The following MYCBP2 variants were observed in gnomAD, a reference collection of about 807,000 sequenced individuals.
MYCBP2 encodes E3 ubiquitin-protein ligase MYCBP2.
In MYCBP2, 120 loss-of-function variants were observed where a neutral mutation model predicts 525.3. That is an observed-to-expected ratio of 0.23 (90% confidence interval 0.20 to 0.27). MYCBP2 has a LOEUF of 0.27. Among genes scored for constraint, MYCBP2 ranks in the 10% least tolerant of loss-of-function variants. The pLI is 1.00. For synonymous variants in MYCBP2, 1,894 were observed against 1,955.8 expected (o/e 0.97, Z 0.83); for missense variants, 4,149 against 5,657.1 (o/e 0.73, Z 8.55).
At chr13:77,178,611 G>A (rs540662303) in intron 34 of MYCBP2, among the ~76,000 whole-genome samples, 13 of 152,210 alleles carry the variant, frequency 8.5e-5, no homozygotes, top group African/African-American at 3.1e-4. Context: ...GGTTGAAATC[G>A]CTCTTTTTAT....
At chr13:77,148,618 T>C (rs960349339) in intron 47 of MYCBP2, among the ~76,000 whole-genome samples, 1 of 152,108 alleles carries the variant, frequency 6.6e-6, no homozygotes, top group Non-Finnish European at 1.5e-5. Context: ...TCTAGCAAAA[T>C]TTTAATGCTA....
intron 80 of MYCBP2, among the ~76,000 whole-genome samples, chr13:77,053,055 T>G (rs1446922241): frequency 6.6e-6 from 1 of 151,998 alleles, no homozygotes; most frequent in Non-Finnish European, 1.5e-5. Flanking sequence ...GGAGGCTTGT[T>G]TGAGCCCAGG....
At chr13:77,307,173 T>C (rs1440771427) in intron 1 of MYCBP2, among the ~76,000 whole-genome samples, 1 of 152,144 alleles carries the variant, frequency 6.6e-6, no homozygotes, top group Non-Finnish European at 1.5e-5. Flanking sequence ...AACTTCCTCC[T>C]TCCCCCATCC....
At chr13:77,282,972 G>T (rs548406330) in intron 3 of MYCBP2, among the ~76,000 whole-genome samples, 1 of 152,040 alleles carries the variant, frequency 6.6e-6, no homozygotes, top group South Asian at 2.1e-4. Flanking sequence ...CTAGACAACT[G>T]CAATAACTGC....
At position 77,051,795 on chromosome 13, in the gene MYCBP2, A is replaced by T. The variant is rs1239531640; in HGVS notation, c.13755+16T>A. 14 of 1,590,602 alleles carry T rather than the reference A, an allele frequency of 8.8e-6. No homozygotes were observed. In the South Asian group the frequency reaches 1.6e-4, roughly 18 times the overall value. On this transcript the variant is annotated intron_variant, in intron 81 of 82. Coordinates refer to ENST00000544440, the MANE Select transcript of MYCBP2 (RefSeq NM_015057.5). ...ACATTTCTAAACTGTTGTTTCTAAT[A>T]AAATGTTCTGCCTACCTGAGCCCTG...
intron 1 of MYCBP2, among the ~76,000 whole-genome samples, chr13:77,325,091 T>G (rs2082127428): frequency 2.0e-5 from 3 of 152,294 alleles, no homozygotes; most frequent in African/African-American, 7.2e-5. Context: ...CCCAATCCTG[T>G]AAACAATCAC....
In MYCBP2 at chr13:77,064,734, C is replaced by T. The variant is rs2039924414; in HGVS notation, c.12553G>A (p.Gly4185Ser). ...CGGGACCAAGCTTCTGACAGATGAC[C>T]CTATTGAGCAGAACAGAGTATTTTA... The part of the protein sequence containing the change: ...IIKLIKDMAA[G>S]HLSEAWSRVT... The change falls in exon 73 of 83, where the codon GGT becomes AGT. Residue 4185 changes from glycine to serine, a missense_variant and splice_region_variant. By Grantham distance (56) the Gly-to-Ser change is moderately conservative (BLOSUM62 0). Transcript: ENST00000544440. 6.2e-7 allele frequency: 1 copy of T among 1,613,350 alleles called. No homozygotes were observed. Among genetic ancestry groups the T allele is most frequent in the South Asian group, 1.1e-5 (1 of 91,040 alleles).
At position 77,326,120 on chromosome 13, in the gene MYCBP2, A is replaced by G. The variant is rs2082259518; in HGVS notation, c.302+354T>C. Among the ~76,000 whole-genome samples the G allele has an allele frequency of 6.6e-6, 1 of 151,214 alleles. No individual in the cohort carries two copies. Among genetic ancestry groups the G allele is most frequent in the African/African-American group, 2.4e-5 (1 of 41,048 alleles). The stretch of plus-strand genomic sequence containing the variant: ...CGTGTATCATCCTCTTACCCTCTCT[A>G]CCCATGCCACCTCCTACCTCAACGA... On this transcript the variant is annotated intron_variant, in intron 1 of 82. Coordinates refer to ENST00000544440, the MANE Select transcript of MYCBP2 (RefSeq NM_015057.5). The surrounding 1 kb of genome is among the most constrained non-coding windows in gnomAD (Gnocchi z 4.2).
chr13:77,092,450 CTATT>C (rs1042093935), intron 59 of MYCBP2: 3 of 151,976 alleles, frequency 2.0e-5, no homozygotes, highest in African/African-American at 7.2e-5. Flanking sequence ...CAGTGGTACT[CTATT>C]TTTTTTTTTC....
rs9600861 is a variant in MYCBP2 at position 77,318,626 on chromosome 13, C to T, written c.302+7848G>A. 8.4e-3 allele frequency among the ~76,000 whole-genome samples: 1,274 copies of T among 152,154 alleles called. 10 individuals carry two copies. Among genetic ancestry groups the T allele is most frequent in the Non-Finnish European group, 0.014 (956 of 67,990 alleles). ...AAAATCAGCCGAGTGTGGTGGGACA[C>T]GCCTGTAATCCCAACTACTCAGGAG... is the stretch of plus-strand genomic sequence containing the variant. On this transcript the variant is annotated intron_variant, in intron 1 of 82. Coordinates refer to ENST00000544440, the MANE Select transcript of MYCBP2 (RefSeq NM_015057.5).
intron 43 of MYCBP2, among the ~76,000 whole-genome samples, chr13:77,163,202 T>G (rs1311772961): frequency 6.6e-6 from 1 of 152,210 alleles, no homozygotes; most frequent in Non-Finnish European, 1.5e-5. Flanking sequence ...ACTTTTTGAG[T>G]ATTTGTGCAA....
intron 55 of MYCBP2, among the ~76,000 whole-genome samples, chr13:77,107,515 T>C (rs2048028419): frequency 6.6e-6 from 1 of 152,084 alleles, no homozygotes; most frequent in African/African-American, 2.4e-5. Flanking sequence ...GGCAATCAAA[T>C]TGCTTGAGCC....
At chr13:77,046,811 A>G in intron 82 of MYCBP2, among the ~76,000 whole-genome samples, 1 of 152,188 alleles carries the variant, frequency 6.6e-6, no homozygotes, top group East Asian at 1.9e-4. Context: ...GCATGGGAGG[A>G]TGCCAGAGGT....
chr13:77,325,985 G>A (rs1199345931), intron 1 of MYCBP2, among the ~76,000 whole-genome samples: 3 of 152,062 alleles, frequency 2.0e-5, no homozygotes, highest in Non-Finnish European at 4.4e-5. Context: ...CAGATTGAAG[G>A]GAGGTGGAAA....
At chr13:77,080,127 C>T in intron 65 of MYCBP2, among the ~76,000 whole-genome samples, 1 of 152,172 alleles carries the variant, frequency 6.6e-6, no homozygotes, top group East Asian at 1.9e-4. Flanking sequence ...AAAGTAGTTA[C>T]ACCAGTGGAA....
intron 15 of MYCBP2, among the ~76,000 whole-genome samples, chr13:77,248,142 C>CAAAAA (rs71203041): frequency 7.1e-6 from 1 of 141,544 alleles, no homozygotes. Context: ...AAAGTATAAT[C>CAAAAA]AAAAAAAAAA....
intron 28 of MYCBP2, 72 bp from the exon 29 acceptor site, chr13:77,190,407 T>A (rs2061184677): frequency 3.3e-6 from 3 of 902,452 alleles, no homozygotes; most frequent in Non-Finnish European, 5.2e-6. Flanking sequence ...AGAAACATGT[T>A]TTCAAATCTT....
At chr13:77,241,029 C>T (rs2068741450) in intron 17 of MYCBP2, among the ~76,000 whole-genome samples, 1 of 152,138 alleles carries the variant, frequency 6.6e-6, no homozygotes, top group Non-Finnish European at 1.5e-5. Flanking sequence ...ACAAAATATA[C>T]ACTAAGTGCC....
At chr13:77,263,552 A>T in intron 10 of MYCBP2, 99 bp downstream of exon 10, 1 of 975,764 alleles carries the variant, frequency 1.0e-6, no homozygotes, top group Non-Finnish European at 1.5e-6. Context: ...AATAGCTGCT[A>T]CAACATAAGC....
Sources: allele counts gnomAD v4.1 joint callset (sites outside exome capture counted in the v4.1 genomes callset), GRCh38; gene constraint gnomAD v4.1.1; non-coding constraint Gnocchi (gnomAD v3.1); transcripts MANE v1.5; gene names NCBI Gene and HGNC (gene_info 2026-07-23, HGNC 2026-07-21).